Variants in ARHGEF2 observed in about 807,000 individuals in gnomAD.
The protein encoded by ARHGEF2 is rho guanine nucleotide exchange factor 2.
A neutral mutation model predicts 121.0 loss-of-function variants in ARHGEF2; 22 were observed. The ratio of observed to expected loss-of-function variants is 0.18; its 90% CI spans 0.13 to 0.26. The LOEUF is 0.26. Among genes scored for constraint, ARHGEF2 ranks in the 10% least tolerant of loss-of-function variants. The pLI, the probability that ARHGEF2 is intolerant of heterozygous loss-of-function variation, is 1.00. For missense variants in ARHGEF2, 907 were observed against 1,336.0 expected (o/e 0.68, Z 5.01); for synonymous variants, 487 against 530.0 (o/e 0.92, Z 1.11).
intron 14 of ARHGEF2, among the ~76,000 whole-genome samples, chr1:155,953,969 A>G (rs1676066247): frequency 6.6e-6 from 1 of 151,758 alleles, no homozygotes; most frequent in Non-Finnish European, 1.5e-5. Context: ...ATAATATTCT[A>G]CCTTGTTGGG....
Position 155,978,466 on chromosome 1 carries a change from C to A in ARHGEF2, c.-39G>T. 2 of 1,438,802 alleles carry A rather than the reference C, an allele frequency of 1.4e-6. No homozygotes were observed. Among genetic ancestry groups the A allele is most frequent in the Non-Finnish European group, 1.9e-6 (2 of 1,078,206 alleles). 89.1% of individuals were successfully genotyped at this position (1,438,802 alleles called of 1,614,324 possible). On this transcript the variant is annotated 5_prime_UTR_variant, in exon 1 of 22. Coordinates refer to ENST00000361247, the MANE Select transcript of ARHGEF2 (RefSeq NM_001162383.2). This position sits in a 1 kb window ranked among gnomAD's most constrained non-coding sequence, Gnocchi z 4.1. The stretch of plus-strand genomic sequence containing the variant: ...GACCAGGGAGGACGCGGCGCGGACC[C>A]CGGCGTCCTGTATTGTTGGGGGAAG...
chr1:155,950,909 AG>A lies in ARHGEF2; in HGVS notation c.2622del (p.Trp875GlyfsTer21). ...GQTEPLPAEA[P>X]WARRPVDPRR... ...CGAGGATCCACAGGTCTGCGGGCCCAGGGGGCCTCAGCTGGGAGTGGCTCGG... is the reference window on the plus strand; with the variant it reads ...CGAGGATCCACAGGTCTGCGGGCCCAGGGGCCTCAGCTGGGAGTGGCTCGG... On this transcript the variant is annotated frameshift_variant, in exon 20 of 22. Transcript: ENST00000361247. LOFTEE classifies it high-confidence loss of function. The surrounding 1 kb of genome is among the most constrained non-coding windows in gnomAD (Gnocchi z 5.2). 3.1e-6 allele frequency: 5 copies of A among 1,598,390 alleles called. No homozygotes were observed. The highest frequency in any genetic ancestry group is 1.1e-5 in the South Asian group (1 of 89,668).
Position 155,947,081 on chromosome 1 carries a change from C to A in ARHGEF2, c.*861G>T, listed in dbSNP as rs1403731413. ...CACCCTAGAACTTGTTTCTAAATGGCTGGGGAAGAGGTCAGTATAGGTCCC... is the reference window on the plus strand; with the variant it reads ...CACCCTAGAACTTGTTTCTAAATGGATGGGGAAGAGGTCAGTATAGGTCCC... On this transcript the variant is annotated 3_prime_UTR_variant, in exon 22 of 22. Coordinates refer to ENST00000361247, the MANE Select transcript of ARHGEF2 (RefSeq NM_001162383.2). 6 of 227,020 alleles carry A rather than the reference C, an allele frequency of 2.6e-5. No homozygotes were observed. Among genetic ancestry groups the A allele is most frequent in the Non-Finnish European group, 4.5e-5 (5 of 110,466 alleles). 14.1% of individuals were successfully genotyped at this position (227,020 alleles called of 1,614,324 possible).
intron 1 of ARHGEF2, chr1:155,969,932 C>A (rs1680148603): frequency 1.0e-6 from 1 of 985,458 alleles, no homozygotes; most frequent in African/African-American, 1.7e-5. Context: ...CCACGGCACA[C>A]AGGGCCTGTC....
In ARHGEF2 at chr1:155,964,176, A is replaced by ATGTG. The variant is rs1223864946; in HGVS notation, c.724+811_724+812insCACA. On this transcript the variant is annotated intron_variant, in intron 7 of 21. Coordinates refer to ENST00000361247, the MANE Select transcript of ARHGEF2 (RefSeq NM_001162383.2). ...AAAAAAAAAAAAAAAAAATATATAT[A>ATGTG]TATATATATATATATATATATACAT... 6.1e-3 allele frequency among the ~76,000 whole-genome samples: 578 copies of ATGTG among 95,470 alleles called. 11 individuals carry two copies. The highest frequency in any genetic ancestry group is 0.01 in the Middle Eastern group (2 of 200). 62.6% of individuals were successfully genotyped at this position (95,470 alleles called of 152,430 possible).
Position 155,951,947 on chromosome 1 carries a change from C to T in ARHGEF2, c.2144G>A (p.Cys715Tyr). The change falls in exon 17 of 22, where the codon TGC becomes TAC. Residue 715 changes from cysteine to tyrosine, a missense_variant. Physicochemically the swap from Cys to Tyr is radical, Grantham distance 194. Transcript: ENST00000361247. This position sits in a 1 kb window ranked among gnomAD's most constrained non-coding sequence, Gnocchi z 5.1. ...ARTFNGSIEL[C>Y]RADSDSSQRD... is the part of the protein sequence containing the mutation. Reference sequence around the variant, plus strand: ...CTGGCTAGAGTCTGAGTCAGCTCTGCAGAGTTCAATGGAGCCATTGAAGGT... The same window carrying T: ...CTGGCTAGAGTCTGAGTCAGCTCTGTAGAGTTCAATGGAGCCATTGAAGGT... 6.2e-7 allele frequency: 1 copy of T among 1,614,068 alleles called. No homozygotes were observed. The highest frequency in any genetic ancestry group is 8.5e-7 in the Non-Finnish European group (1 of 1,179,998).
chr1:155,951,844 TTGTG>T lies in ARHGEF2; in HGVS notation c.2172+71_2173-69del. 1 of 1,613,124 alleles carries T rather than the reference TTGTG, an allele frequency of 6.2e-7. No homozygotes were observed. Among genetic ancestry groups the T allele is most frequent in the Non-Finnish European group, 8.5e-7 (1 of 1,179,734 alleles). On this transcript the variant is annotated intron_variant, in intron 17 of 21. Transcript: ENST00000361247. The surrounding 1 kb of genome is among the most constrained non-coding windows in gnomAD (Gnocchi z 5.1). ...TCCTGGGTGCCTGCCCCTGACAGCT[TTGTG>T]TTGAGGATCCAGAGGCTGGCTGTCC... is the stretch of plus-strand genomic sequence containing the variant.
At position 155,958,217 on chromosome 1, in the gene ARHGEF2, TTGACTC is replaced by T. The variant is rs1677088667; in HGVS notation, c.1545+97_1545+102del. Reference sequence around the variant, plus strand: ...CGGTAATAGTAACAATTATAGCTGTTTGACTCTGGGGGACTCCAGAGCTCTCGTGGG... The same window carrying T: ...CGGTAATAGTAACAATTATAGCTGTTTGGGGGACTCCAGAGCTCTCGTGGG... On this transcript the variant is annotated intron_variant, in intron 12 of 21. Coordinates refer to ENST00000361247, the MANE Select transcript of ARHGEF2 (RefSeq NM_001162383.2). 4.5e-6 allele frequency: 4 copies of T among 879,226 alleles called. No homozygotes were observed. The Admixed American group carries it at 8.8e-5, about 19-fold the overall frequency. The allele number at this position is 879,226 out of a possible 1,614,324, so 54.5% of individuals were successfully genotyped here. A position where few individuals can be genotyped will look rare whatever the true frequency, so the allele number is the denominator to read the frequency against.
At position 155,965,572 on chromosome 1, in the gene ARHGEF2, C is replaced by A. The variant is rs1014804607; in HGVS notation, c.470+59G>T. The A allele has an allele frequency of 1.1e-5, 17 of 1,609,416 alleles. No homozygotes were observed. The highest frequency in any genetic ancestry group is 8.8e-5 in the South Asian group (8 of 90,600). On this transcript the variant is annotated intron_variant, in intron 5 of 21. Transcript: ENST00000361247. This position sits in a 1 kb window ranked among gnomAD's most constrained non-coding sequence, Gnocchi z 6.0. ...AGGGATGGAAAGGGACCTCTCAGCA[C>A]CCCCTTGGCCTCCACTGCCACACTC...
chr1:155,965,222 T>TC lies in ARHGEF2; in HGVS notation c.580+80dup. ...TCTAGATCCCTTCCCTCCTTGTCCT[T>TC]CCAGGCTACTCCCACCAGCCTCTCA... On this transcript the variant is annotated intron_variant, in intron 6 of 21. Coordinates refer to ENST00000361247, the MANE Select transcript of ARHGEF2 (RefSeq NM_001162383.2). This position sits in a 1 kb window ranked among gnomAD's most constrained non-coding sequence, Gnocchi z 6.0. 1 of 1,606,204 alleles carries TC rather than the reference T, an allele frequency of 6.2e-7. No homozygotes were observed. Among genetic ancestry groups the TC allele is most frequent in the South Asian group, 1.1e-5 (1 of 90,778 alleles).
Position 155,956,426 on chromosome 1 carries a change from C to G in ARHGEF2, c.1715+1287G>C, listed in dbSNP as rs563419290. On this transcript the variant is annotated intron_variant, in intron 13 of 21. Transcript: ENST00000361247. ...CAATTTCATACTTTTATATGCATTT[C>G]TAAAAACCTTTTCAAAATTCCATGG... Among the ~76,000 whole-genome samples, 245 of 150,666 alleles carry G rather than the reference C, an allele frequency of 1.6e-3. 3 individuals carry two copies. The highest frequency in any genetic ancestry group is 0.015 in the South Asian group (73 of 4,764).
intron 2 of ARHGEF2, 123 bp from the exon 3 acceptor site, chr1:155,967,010 A>T (rs1198809689): frequency 3.4e-6 from 3 of 881,036 alleles, no homozygotes; most frequent in Non-Finnish European, 5.5e-6. Context: ...CCCTTCCCCG[A>T]CTTCTGGGCC....
chr1:155,957,716 C>T lies in ARHGEF2; in HGVS notation c.1712G>A (p.Arg571His), dbSNP rs544890242. ...CAGGCGGCAGGCAGACACTCACGTG[C>T]GCACGCTCTGCTGAATGACCCGGAT... ...TWIRVIQQSV[R>H]TCPSREDFPL... The change falls in exon 13 of 22, where the codon CGC becomes CAC. Residue 571 changes from arginine (R) to histidine (H), a missense_variant. Physicochemically the swap from Arg to His is conservative, Grantham distance 29. This residue lies in a region of ARHGEF2 where 475 missense variants were observed against 776.5 expected (regional missense o/e 0.61). Coordinates refer to ENST00000361247, the MANE Select transcript of ARHGEF2 (RefSeq NM_001162383.2). 9 of 1,610,830 alleles carry T rather than the reference C, an allele frequency of 5.6e-6. No homozygotes were observed. The highest frequency in any genetic ancestry group is 2.7e-5 in the African/African-American group (2 of 74,980).
In ARHGEF2 at chr1:155,978,231, CGCTCG is replaced by C; in HGVS notation, c.63+129_63+133del. ...GCAGTCCCCACCCACCCCGTCCCGC[CGCTCG>C]CCGATCCACCGCTCCGCCCGATTTT... On this transcript the variant is annotated intron_variant, in intron 1 of 21. Coordinates refer to ENST00000361247, the MANE Select transcript of ARHGEF2 (RefSeq NM_001162383.2). The surrounding 1 kb of genome is among the most constrained non-coding windows in gnomAD (Gnocchi z 4.1). The C allele has an allele frequency of 2.2e-6, 3 of 1,337,588 alleles. No homozygotes were observed. Among genetic ancestry groups the C allele is most frequent in the Non-Finnish European group, 1.9e-6 (2 of 1,029,920 alleles). 82.9% of individuals were successfully genotyped at this position (1,337,588 alleles called of 1,614,324 possible).
Position 155,961,347 on chromosome 1 carries a change from T to C in ARHGEF2, c.1468+314A>G, listed in dbSNP as rs1189713465. 1.3e-5 allele frequency among the ~76,000 whole-genome samples: 2 copies of C among 150,670 alleles called. No homozygotes were observed. Among genetic ancestry groups the C allele is most frequent in the Non-Finnish European group, 3.0e-5 (2 of 67,764 alleles). ...TAGAGTGCAGTGGTGCAATCTGGGC[T>C]CACTGCAAGCTCCGCCTCCTGGGTT... On this transcript the variant is annotated intron_variant, in intron 11 of 21. Transcript: ENST00000361247. The surrounding 1 kb of genome is among the most constrained non-coding windows in gnomAD (Gnocchi z 4.7).
intron 12 of ARHGEF2, 61 bp from the exon 13 acceptor site, chr1:155,957,943 C>A: frequency 6.6e-7 from 1 of 1,525,130 alleles, no homozygotes. Flanking sequence ...CATATTTAGG[C>A]CTTCAATCCT....
upstream of ARHGEF2, chr1:155,979,334 C>A (rs998583227): frequency 2.0e-6 from 2 of 985,330 alleles, no homozygotes; most frequent in African/African-American, 3.5e-5. Context: ...AACTGAAAGA[C>A]CAGAAACCAG....
upstream of ARHGEF2, chr1:155,978,757 G>GGC (rs1321774880): frequency 5.0e-5 from 41 of 824,704 alleles, no homozygotes; most frequent in Non-Finnish European, 5.9e-5. This position sits in a 1 kb window ranked among gnomAD's most constrained non-coding sequence, Gnocchi z 4.1. Flanking sequence ...AGCGCCTGGG[G>GGC]GCGCCCTCTA....
chr1:155,978,276 A>G lies in ARHGEF2; in HGVS notation c.63+89T>C. On this transcript the variant is annotated intron_variant, in intron 1 of 21. Transcript: ENST00000361247. The surrounding 1 kb of genome is among the most constrained non-coding windows in gnomAD (Gnocchi z 4.1). ...CGCCCGATTTTGGCGCCCAGAAAGCAGGCGGGGAGACAGGAGATGCACCGC... is the reference window on the plus strand; with the variant it reads ...CGCCCGATTTTGGCGCCCAGAAAGCGGGCGGGGAGACAGGAGATGCACCGC... 7.6e-7 allele frequency: 1 copy of G among 1,315,224 alleles called. No homozygotes were observed. The allele number at this position is 1,315,224 out of a possible 1,614,324, so 81.5% of individuals were successfully genotyped here. A position where few individuals can be genotyped will look rare whatever the true frequency, so the allele number is the denominator to read the frequency against.
Sources: allele counts gnomAD v4.1 joint callset (sites outside exome capture counted in the v4.1 genomes callset), GRCh38; gene constraint gnomAD v4.1.1; regional missense constraint gnomAD v4.1.1; non-coding constraint Gnocchi (gnomAD v3.1); transcripts MANE v1.5; gene names NCBI Gene and HGNC (gene_info 2026-07-23, HGNC 2026-07-21).